Variants in ZMPSTE24 observed in about 807,000 individuals in gnomAD.
ZMPSTE24 encodes the protein CAAX prenyl protease 1 homolog.
A neutral mutation model predicts 56.7 loss-of-function variants in ZMPSTE24; 48 were observed. That is an observed-to-expected ratio of 0.85 (90% CI 0.67 to 1.08). The LOEUF (loss-of-function observed/expected upper bound fraction) is 1.08. Ranked by LOEUF, ZMPSTE24 falls within the 50% of genes least tolerant of loss-of-function variation. ZMPSTE24 has a pLI of 0.00. For synonymous variants in ZMPSTE24, 172 were observed against 195.2 expected (o/e 0.88, Z 0.99); for missense variants, 503 against 548.7 (o/e 0.92, Z 0.83).
At chr1:40,281,566 TA>T in intron 7 of ZMPSTE24, 39 bp downstream of exon 7, 2 of 1,590,834 alleles carry the variant, frequency 1.3e-6, no homozygotes, top group Non-Finnish European at 8.6e-7. Context: ...CCTTAGTTTT[TA>T]TACACAGTTC....
At chr1:40,279,213 T>G (rs1261105231) in intron 6 of ZMPSTE24, among the ~76,000 whole-genome samples, 1 of 152,228 alleles carries the variant, frequency 6.6e-6, no homozygotes, top group Admixed American at 6.5e-5. Context: ...ATGCTGATTT[T>G]AAAAGTCTTT....
At chr1:40,260,042 G>A (rs1643479375) in intron 1 of ZMPSTE24, among the ~76,000 whole-genome samples, 1 of 133,600 alleles carries the variant, frequency 7.5e-6, no homozygotes, top group South Asian at 2.5e-4. Context: ...TAATGAGATA[G>A]TTGATCTTTC....
chr1:40,274,730 T>C (rs377405853), intron 6 of ZMPSTE24, among the ~76,000 whole-genome samples: 2 of 152,330 alleles, frequency 1.3e-5, no homozygotes, highest in African/African-American at 4.8e-5. Context: ...TTTTAAAATA[T>C]CCTGGGCTAC....
rs1643618294 is a variant in ZMPSTE24 at position 40,271,989 on chromosome 1, G to A, written c.723G>A (p.Met241Ile). Residue 241 changes from methionine to isoleucine, a missense_variant, in exon 6 of 10, where the codon ATG becomes ATA. Coordinates refer to ENST00000372759, the MANE Select transcript of ZMPSTE24 (RefSeq NM_005857.5). Reference protein sequence around the residue: ...EGKLKEEIEVMAKSIDFPLTK... With the variant: ...EGKLKEEIEVIAKSIDFPLTK... ...AGCTTAAAGAAGAAATTGAAGTAATGGCAAAGAGTATTGACTTTCCTTTGA... is the reference window on the plus strand; with the variant it reads ...AGCTTAAAGAAGAAATTGAAGTAATAGCAAAGAGTATTGACTTTCCTTTGA... 6.2e-7 allele frequency: 1 copy of A among 1,613,210 alleles called. No individual in the cohort carries two copies. The highest frequency in any genetic ancestry group is 1.3e-5 in the African/African-American group (1 of 75,028).
At chr1:40,273,827 G>A (rs548911532) in intron 6 of ZMPSTE24, among the ~76,000 whole-genome samples, 10 of 151,724 alleles carry the variant, frequency 6.6e-5, no homozygotes, top group African/African-American at 2.4e-4. Flanking sequence ...ATCAGATAAC[G>A]TGAAATAATA....
chr1:40,280,703 G>A (rs1643720583), intron 6 of ZMPSTE24, among the ~76,000 whole-genome samples: 1 of 152,106 alleles, frequency 6.6e-6, no homozygotes, highest in Non-Finnish European at 1.5e-5. Context: ...TGGGATTACA[G>A]GCATGAGCCA....
At chr1:40,268,635 T>A in intron 4 of ZMPSTE24, 100 bp downstream of exon 4, 1 of 833,144 alleles carries the variant, frequency 1.2e-6, no homozygotes, top group Non-Finnish European at 1.9e-6. Flanking sequence ...TATTTCAGAG[T>A]ATGAATTGAG....
chr1:40,263,950 C>T (rs770563747), intron 2 of ZMPSTE24, among the ~76,000 whole-genome samples: 1 of 151,976 alleles, frequency 6.6e-6, no homozygotes, highest in African/African-American at 2.4e-5. Flanking sequence ...AGGTCAGGGT[C>T]GAAAAGTTTA....
chr1:40,286,894 A>AT (rs902430940), intron 8 of ZMPSTE24, among the ~76,000 whole-genome samples: 2 of 141,044 alleles, frequency 1.4e-5, no homozygotes, highest in African/African-American at 2.7e-5. Context: ...CACTTGACTA[A>AT]TTTTTTTTTG....
intron 6 of ZMPSTE24, among the ~76,000 whole-genome samples, chr1:40,274,625 G>A (rs1038291122): frequency 1.3e-5 from 2 of 152,186 alleles, no homozygotes; most frequent in Non-Finnish European, 2.9e-5. Context: ...GTCCACATAG[G>A]CCTTTGTAAG....
chr1:40,293,104 C>T lies in ZMPSTE24; in HGVS notation c.*435C>T, dbSNP rs549943508. On this transcript the variant is annotated 3_prime_UTR_variant, in exon 10 of 10. Transcript: ENST00000372759. ...CTAACTTGAAATCTGGTCTTACTTT[C>T]ATGCTGTTATGATTTCACCTGGTGA... is the stretch of plus-strand genomic sequence containing the variant. 1 of 165,706 alleles carries T rather than the reference C, an allele frequency of 6.0e-6. No individual in the cohort carries two copies. Among genetic ancestry groups the T allele is most frequent in the Admixed American group, 6.1e-5 (1 of 16,384 alleles). The allele number at this position is 165,706 out of a possible 1,614,324, so 10.3% of individuals were successfully genotyped here.
chr1:40,287,820 T>C (rs553048216), intron 8 of ZMPSTE24, among the ~76,000 whole-genome samples: 2 of 152,158 alleles, frequency 1.3e-5, no homozygotes, highest in African/African-American at 4.8e-5. Flanking sequence ...CACTATATCA[T>C]GTTGACTAGT....
chr1:40,277,964 CAAAAA>C (rs35695915), intron 6 of ZMPSTE24, among the ~76,000 whole-genome samples: 2 of 48,328 alleles, frequency 4.1e-5, no homozygotes, highest in African/African-American at 1.6e-4. Context: ...GACTCCATCT[CAAAAA>C]AAAAAAAAAA....
Position 40,270,139 on chromosome 1 carries a change from C to A in ZMPSTE24, c.627+12C>A. The A allele has an allele frequency of 6.2e-7, 1 of 1,613,558 alleles. No individual in the cohort carries two copies. The highest frequency in any genetic ancestry group is 8.5e-7 in the Non-Finnish European group (1 of 1,179,786). ...TAGTTGTGTCTCTGGTGAGTAAAAT[C>A]TTTATTTCGTTTTCTTTTGCAAAAG... On this transcript the variant is annotated intron_variant, in intron 5 of 9. Transcript: ENST00000372759.
intron 8 of ZMPSTE24, among the ~76,000 whole-genome samples, chr1:40,288,179 A>C (rs1397117924): frequency 6.6e-6 from 1 of 152,196 alleles, no homozygotes; most frequent in East Asian, 1.9e-4. Flanking sequence ...TCTCTAAAAA[A>C]AATTAAAATA....
At chr1:40,272,628 C>G (rs1338400241) in intron 6 of ZMPSTE24, among the ~76,000 whole-genome samples, 1 of 152,190 alleles carries the variant, frequency 6.6e-6, no homozygotes, top group Non-Finnish European at 1.5e-5. Context: ...TTACTCAAAT[C>G]TTGACTTCCC....
At chr1:40,291,809 C>T (rs1280978587) in intron 9 of ZMPSTE24, among the ~76,000 whole-genome samples, 1 of 149,822 alleles carries the variant, frequency 6.7e-6, no homozygotes, top group Non-Finnish European at 1.5e-5. Context: ...ATAAATTTGG[C>T]AGAGAACTGA....
At chr1:40,266,904 G>C (rs1039995228) in intron 2 of ZMPSTE24, among the ~76,000 whole-genome samples, 3 of 151,388 alleles carry the variant, frequency 2.0e-5, no homozygotes, top group African/African-American at 7.3e-5. Flanking sequence ...GAGTAGCTGG[G>C]ACCACAGAAT....
chr1:40,265,026 A>G (rs1414242401), intron 2 of ZMPSTE24, among the ~76,000 whole-genome samples: 2 of 152,076 alleles, frequency 1.3e-5, no homozygotes, highest in Non-Finnish European at 2.9e-5. Flanking sequence ...TGTACAGTTC[A>G]CCATGCTTTG....
Sources: allele counts gnomAD v4.1 joint callset (sites outside exome capture counted in the v4.1 genomes callset), GRCh38; gene constraint gnomAD v4.1.1; transcripts MANE v1.5; gene names NCBI Gene and HGNC (gene_info 2026-07-23, HGNC 2026-07-21).